The following ELL variants were observed in gnomAD, a reference collection of about 807,000 sequenced individuals.
ELL encodes the protein elongation factor for RNA polymerase II, also known as RNA polymerase II elongation factor ELL.
Under a neutral mutation model 64.0 loss-of-function variants are expected in ELL, and 18 were observed. That is an observed-to-expected ratio of 0.28 (90% confidence interval 0.19 to 0.42). ELL has a LOEUF of 0.42. Among genes scored for constraint, ELL ranks in the 10% least tolerant of loss-of-function variants. ELL has a pLI of 1.00. For missense variants in ELL, 797 were observed against 870.4 expected (o/e 0.92, Z 1.06); for synonymous variants, 399 against 376.2 (o/e 1.06, Z -0.70).
chr19:18,483,142 CCT>C (rs965762901), intron 1 of ELL, among the ~76,000 whole-genome samples: 1 of 152,082 alleles, frequency 6.6e-6, no homozygotes, highest in Non-Finnish European at 1.5e-5. Context: ...TACCAACTCC[CCT>C]CTCCCCTCCC....
At chr19:18,469,011 C>T (rs559788841) in intron 2 of ELL, among the ~76,000 whole-genome samples, 20 of 152,266 alleles carry the variant, frequency 1.3e-4, no homozygotes, top group African/African-American at 4.1e-4. Context: ...CAGGTGTAGA[C>T]ATCTGCCCCC....
chr19:18,473,406 A>G (rs1975105034), intron 1 of ELL, among the ~76,000 whole-genome samples: 1 of 152,122 alleles, frequency 6.6e-6, no homozygotes, highest in African/African-American at 2.4e-5. Context: ...TCTCACAAAC[A>G]CTGGCTTTTA....
intron 1 of ELL, among the ~76,000 whole-genome samples, chr19:18,514,513 C>CAAAAAAA (rs557236460): frequency 5.1e-5 from 2 of 39,256 alleles, no homozygotes; most frequent in Admixed American, 2.4e-4. Flanking sequence ...GACTCCATCT[C>CAAAAAAA]AAAAAAAAAA....
At chr19:18,498,425 A>G (rs1447608830) in intron 1 of ELL, among the ~76,000 whole-genome samples, 6 of 152,220 alleles carry the variant, frequency 3.9e-5, no homozygotes, top group African/African-American at 1.2e-4. Flanking sequence ...TCAGTTAGGA[A>G]GGGAAAACAA....
intron 1 of ELL, among the ~76,000 whole-genome samples, chr19:18,495,072 G>C (rs537976653): frequency 6.6e-6 from 1 of 152,318 alleles, no homozygotes; most frequent in South Asian, 2.1e-4. Context: ...AGACAGATGT[G>C]GCCCTGCCCA....
intron 2 of ELL, among the ~76,000 whole-genome samples, chr19:18,470,060 T>C (rs1364993290): frequency 6.6e-6 from 1 of 152,188 alleles, no homozygotes; most frequent in Non-Finnish European, 1.5e-5. Context: ...CTCCCGCCTA[T>C]AATCCCAGCA....
At chr19:18,457,277 G>A (rs1285620654) in intron 6 of ELL, among the ~76,000 whole-genome samples, 1 of 152,238 alleles carries the variant, frequency 6.6e-6, no homozygotes, top group East Asian at 1.9e-4. Flanking sequence ...GCTCTGGGCA[G>A]TTCTCCTTCC....
intron 1 of ELL, among the ~76,000 whole-genome samples, chr19:18,482,336 T>TTTTTTC (rs781472836): frequency 7.8e-6 from 1 of 127,924 alleles, no homozygotes; most frequent in Non-Finnish European, 1.7e-5. Flanking sequence ...TTTTTTTTTT[T>TTTTTTC]AAACAGGGTC....
At chr19:18,504,645 G>A (rs1342289850) in intron 1 of ELL, among the ~76,000 whole-genome samples, 2 of 152,152 alleles carry the variant, frequency 1.3e-5, no homozygotes, top group Non-Finnish European at 2.9e-5. Context: ...GGGTTAATAA[G>A]TCACAGCAGA....
Position 18,463,325 on chromosome 19 carries a change from CTTTTTTTTTTTT to C in ELL, c.470-1485_470-1474del, listed in dbSNP as rs34610795. On this transcript the variant is annotated intron_variant, in intron 4 of 11. Coordinates refer to ENST00000262809, the MANE Select transcript of ELL (RefSeq NM_006532.4). ...GACAGAGGAACACGCACATTCACAT[CTTTTTTTTTTTT>C]TTTTTTTTTTTTTTTGAGACAGAGT... Among the ~76,000 whole-genome samples the C allele has an allele frequency of 6.8e-5, 5 of 73,254 alleles. No homozygotes were observed. In the East Asian group the frequency reaches 1.1e-3, roughly 17 times the overall value. 48.1% of individuals were successfully genotyped at this position (73,254 alleles called of 152,430 possible). A position where few individuals can be genotyped will look rare whatever the true frequency, so the allele number is the denominator to read the frequency against.
At chr19:18,454,052 G>A (rs1974599073) in intron 6 of ELL, among the ~76,000 whole-genome samples, 2 of 152,160 alleles carry the variant, frequency 1.3e-5, no homozygotes, top group African/African-American at 4.8e-5. Flanking sequence ...TGGGGATAGG[G>A]TTTCCTTTTG....
chr19:18,451,316 G>GC (rs1424115571), intron 7 of ELL, among the ~76,000 whole-genome samples: 6 of 152,184 alleles, frequency 3.9e-5, no homozygotes, highest in Non-Finnish European at 8.8e-5. Context: ...TCAGGGAGCC[G>GC]CCCCCCGTCC....
At chr19:18,477,430 C>A (rs968245364) in intron 1 of ELL, among the ~76,000 whole-genome samples, 16 of 152,116 alleles carry the variant, frequency 1.1e-4, no homozygotes, top group African/African-American at 3.6e-4. Context: ...AAAAGAGTGG[C>A]CAGAGATTCC....
chr19:18,506,378 C>T (rs911678148), intron 1 of ELL, among the ~76,000 whole-genome samples: 2 of 152,250 alleles, frequency 1.3e-5, no homozygotes, highest in Non-Finnish European at 2.9e-5. Flanking sequence ...TTACCCTCTC[C>T]CCCAGGGGGA....
At chr19:18,510,426 C>T (rs1975993299) in intron 1 of ELL, among the ~76,000 whole-genome samples, 1 of 152,216 alleles carries the variant, frequency 6.6e-6, no homozygotes, top group Non-Finnish European at 1.5e-5. Flanking sequence ...CGCACACTGG[C>T]TATGCAGAAG....
At chr19:18,468,869 C>A (rs1339066114) in intron 2 of ELL, among the ~76,000 whole-genome samples, 1 of 152,226 alleles carries the variant, frequency 6.6e-6, no homozygotes, top group Non-Finnish European at 1.5e-5. Context: ...AGGCCACTGC[C>A]TGTGGCCTGG....
chr19:18,517,915 G>A (rs1013883877), intron 1 of ELL, among the ~76,000 whole-genome samples: 5 of 147,102 alleles, frequency 3.4e-5, no homozygotes, highest in East Asian at 4.1e-4. Context: ...AGGAGAAGAA[G>A]AAGAAAAGAA....
intron 6 of ELL, among the ~76,000 whole-genome samples, chr19:18,452,644 C>A (rs8102451): frequency 2.8e-3 from 424 of 152,300 alleles, no homozygotes; most frequent in African/African-American, 9.5e-3. Flanking sequence ...GGCCATCCCC[C>A]ACAGCTCTAC....
chr19:18,482,794 T>TTGCTGC lies in ELL; in HGVS notation c.136-9918_136-9913dup, dbSNP rs1555735612. Among the ~76,000 whole-genome samples, 816 of 150,176 alleles carry TTGCTGC rather than the reference T, an allele frequency of 5.4e-3. 5 individuals are homozygous for TTGCTGC. Among genetic ancestry groups the TTGCTGC allele is most frequent in the East Asian group, 0.017 (85 of 5,130 alleles). The stretch of plus-strand genomic sequence containing the variant: ...GTTGTTGTTGTTGTTGTTGTTGTTG[T>TTGCTGC]TGCTGCTGTTGTTTTGAGACAGGGC... On this transcript the variant is annotated intron_variant, in intron 1 of 11. Coordinates refer to ENST00000262809, the MANE Select transcript of ELL (RefSeq NM_006532.4).
Sources: gnomAD v4.1 joint callset for allele counts (sites outside exome capture counted in the v4.1 genomes callset) on GRCh38, gnomAD v4.1.1 for gene constraint, MANE v1.5 for transcripts, NCBI Gene and HGNC (gene_info 2026-07-23, HGNC 2026-07-21) for gene names.